The following APOBEC3F variants were observed in gnomAD, a reference collection of about 807,000 sequenced individuals.
The protein encoded by APOBEC3F is DNA dC->dU-editing enzyme APOBEC-3F.
Under a neutral mutation model 45.8 loss-of-function variants are expected in APOBEC3F, and 34 were observed. That is an observed-to-expected ratio of 0.74 (90% CI 0.57 to 0.99). The LOEUF is 0.99. Ranked by LOEUF, APOBEC3F falls within the 50% of genes least tolerant of loss-of-function variation. APOBEC3F has a pLI of 0.00. For missense variants in APOBEC3F, 459 were observed against 474.1 expected, an observed-to-expected ratio of 0.97 and a Z score of 0.30; for synonymous variants, 192 against 174.4, an observed-to-expected ratio of 1.10 and a Z score of -0.80.
chr22:39,041,284 T>G (rs776667408), intron 1 of APOBEC3F, among the ~76,000 whole-genome samples: 1 of 152,196 alleles, frequency 6.6e-6, no homozygotes, highest in South Asian at 2.1e-4. Flanking sequence ...CCCTCTGTGT[T>G]CTTTCCGCCA....
In APOBEC3F at chr22:39,042,937, A is replaced by G; in HGVS notation, c.18A>G (p.Arg6=). Reference sequence around the variant, plus strand: ...GCTGGTTTCTCTCTTGTGTCTTCAGAAACACAGTGGAGCGAATGTATCGAG... The same window carrying G: ...GCTGGTTTCTCTCTTGTGTCTTCAGGAACACAGTGGAGCGAATGTATCGAG... The part of the protein sequence containing the change: MKPHF[R]NTVERMYRDT... The change falls in exon 2 of 7, where the codon AGA becomes AGG. Residue 6 remains arginine, a splice_region_variant and synonymous_variant. Transcript: ENST00000308521. 1 of 1,613,716 alleles carries G rather than the reference A, an allele frequency of 6.2e-7. No homozygotes were observed. The highest frequency in any genetic ancestry group is 1.1e-5 in the South Asian group (1 of 91,056).
intron 1 of APOBEC3F, 135 bp downstream of exon 1, chr22:39,041,112 C>G (rs1379386467): frequency 4.0e-5 from 58 of 1,449,274 alleles, no homozygotes; most frequent in Admixed American, 4.0e-5. Flanking sequence ...CCCCTGCCCC[C>G]GCCACTCCCA....
At position 39,053,461 on chromosome 22, in the gene APOBEC3F, A is replaced by C. The variant is rs1177744379; in HGVS notation, c.*766A>C. ...CCATCTCTACAAAAAAATTACAAAAAAAAAAAAAACAGGTGTGGTGGCATG... is the reference window on the plus strand; with the variant it reads ...CCATCTCTACAAAAAAATTACAAAACAAAAAAAAACAGGTGTGGTGGCATG... On this transcript the variant is annotated 3_prime_UTR_variant, in exon 7 of 7. Coordinates refer to ENST00000308521, the MANE Select transcript of APOBEC3F (RefSeq NM_145298.6). The C allele has an allele frequency of 6.6e-6, 1 of 151,942 alleles. No homozygotes were observed. The highest frequency in any genetic ancestry group is 1.5e-5 in the Non-Finnish European group (1 of 67,976). 9.4% of individuals were successfully genotyped at this position (151,942 alleles called of 1,614,324 possible). A position where few individuals can be genotyped will look rare whatever the true frequency, so the allele number is the denominator to read the frequency against.
chr22:39,052,672 A>T lies in APOBEC3F; in HGVS notation c.1099A>T (p.Lys367Ter). 2 of 1,613,838 alleles carry T rather than the reference A, an allele frequency of 1.2e-6. No individual in the cohort carries two copies. Among genetic ancestry groups the T allele is most frequent in the Non-Finnish European group, 1.7e-6 (2 of 1,179,756 alleles). ...LKYNFLFLDS[K>*]LQEILE ...ATACAACTTTCTATTCCTGGACAGC[A>T]AGCTGCAGGAGATTCTCGAGTGAGG... The change falls in exon 7 of 7, where the codon AAG becomes TAG. Residue 367 changes from lysine (K) to a stop codon, truncating the protein, a stop_gained. Transcript: ENST00000308521. LOFTEE classifies it high-confidence loss of function.
intron 2 of APOBEC3F, chr22:39,044,457 C>T: frequency 8.2e-7 from 1 of 1,221,418 alleles, no homozygotes; most frequent in Non-Finnish European, 1.1e-6. Context: ...TGTCAATGCA[C>T]CAGCAACTTT....
chr22:39,045,168 G>T lies in APOBEC3F; in HGVS notation c.399G>T (p.Ala133=), dbSNP rs372394779. The T allele has an allele frequency of 3.1e-6, 5 of 1,614,040 alleles. No homozygotes were observed. The highest frequency in any genetic ancestry group is 2.7e-5 in the African/African-American group (2 of 74,924). The change falls in exon 3 of 7, where the codon GCG becomes GCT. Residue 133 remains alanine (A), a synonymous_variant. Transcript: ENST00000308521. The part of the protein sequence containing the change: ...YYYWERDYRR[A]LCRLSQAGAR... ...ACTGGGAAAGAGATTACCGAAGGGC[G>T]CTCTGCAGGCTGAGTCAGGCAGGGG...
intron 2 of APOBEC3F, chr22:39,044,191 G>T (rs374680667): frequency 6.2e-7 from 1 of 1,609,310 alleles, no homozygotes; most frequent in Admixed American, 1.7e-5. Context: ...CCAGCTGACC[G>T]CAGGCAGGGA....
rs745601693 is a variant in APOBEC3F at position 39,042,951 on chromosome 22, G to T, written c.32G>T (p.Arg11Leu). Residue 11 changes from arginine (R) to leucine (L), a missense_variant, in exon 2 of 7, where the codon CGA becomes CTA. Physicochemically the swap from Arg to Leu is moderately radical, Grantham distance 102 (BLOSUM62 -2). Transcript: ENST00000308521. The stretch of plus-strand genomic sequence containing the variant: ...TGTGTCTTCAGAAACACAGTGGAGC[G>T]AATGTATCGAGACACATTCTCCTAC... The part of the protein sequence containing the change: MKPHFRNTVE[R>L]MYRDTFSYNF... 4 of 1,613,982 alleles carry T rather than the reference G, an allele frequency of 2.5e-6. No individual in the cohort carries two copies. The highest frequency in any genetic ancestry group is 2.5e-6 in the Non-Finnish European group (3 of 1,179,932).
At chr22:39,047,170 C>T (rs191089294) in intron 4 of APOBEC3F, among the ~76,000 whole-genome samples, 2 of 152,172 alleles carry the variant, frequency 1.3e-5, no homozygotes, top group East Asian at 1.9e-4. Flanking sequence ...GCACCCCCAC[C>T]CGCTATTCCT....
At chr22:39,046,044 G>A (rs2035794311) in intron 4 of APOBEC3F, among the ~76,000 whole-genome samples, 1 of 152,174 alleles carries the variant, frequency 6.6e-6, no homozygotes, top group Non-Finnish European at 1.5e-5. Context: ...CAGATCTGGA[G>A]GCTGCAAGTC....
In APOBEC3F at chr22:39,040,970, C is replaced by T. The variant is rs1191240529; in HGVS notation, c.10C>T (p.His4Tyr). 6.3e-7 allele frequency: 1 copy of T among 1,584,274 alleles called. No individual in the cohort carries two copies. Among genetic ancestry groups the T allele is most frequent in the Admixed American group, 1.8e-5 (1 of 55,080 alleles). The change falls in exon 1 of 7, where the codon CAC (histidine) becomes TAC (tyrosine). Residue 4 changes from histidine to tyrosine, a missense_variant. Physicochemically the swap from His to Tyr is moderately conservative, Grantham distance 83 (BLOSUM62 2). Transcript: ENST00000308521. ...GACTAGCCGGCCAAGGATGAAGCCTCACTTCAGGTACCGCTGCCCGCTCTA... is the reference window on the plus strand; with the variant it reads ...GACTAGCCGGCCAAGGATGAAGCCTTACTTCAGGTACCGCTGCCCGCTCTA... MKPHFRNTVERMYR... is the reference protein window; with the variant it reads MKPYFRNTVERMYR...
intron 2 of APOBEC3F, chr22:39,044,265 T>C: frequency 6.4e-7 from 1 of 1,565,666 alleles, no homozygotes; most frequent in Non-Finnish European, 8.7e-7. Context: ...AATGGATGCC[T>C]GGGAGAATGG....
chr22:39,048,015 A>G (rs1451564446), intron 4 of APOBEC3F, among the ~76,000 whole-genome samples: 1 of 152,208 alleles, frequency 6.6e-6, no homozygotes, highest in African/African-American at 2.4e-5. Context: ...TCCACTGTGA[A>G]CAGAGGAGGA....
At position 39,044,414 on chromosome 22, in the gene APOBEC3F, A is replaced by G. The variant is rs1245553799; in HGVS notation, c.172-527A>G. 3.7e-6 allele frequency: 5 copies of G among 1,367,660 alleles called. No individual in the cohort carries two copies. In the African/African-American group the frequency reaches 4.5e-5, roughly 12 times the overall value. 84.7% of individuals were successfully genotyped at this position (1,367,660 alleles called of 1,614,324 possible). A position where few individuals can be genotyped will look rare whatever the true frequency, so the allele number is the denominator to read the frequency against. ...GGACATTTACAATAAACAGAAATGTATGGGCTCGAGTTCTGGCCTCTGGGA... is the reference window on the plus strand; with the variant it reads ...GGACATTTACAATAAACAGAAATGTGTGGGCTCGAGTTCTGGCCTCTGGGA... On this transcript the variant is annotated intron_variant, in intron 2 of 6. Coordinates refer to ENST00000308521, the MANE Select transcript of APOBEC3F (RefSeq NM_145298.6).
Position 39,043,179 on chromosome 22 carries a change from C to T in APOBEC3F, c.171+89C>T, listed in dbSNP as rs1038091624. 3.7e-5 allele frequency: 54 copies of T among 1,475,028 alleles called. No individual in the cohort carries two copies. The Admixed American group carries it at 5.6e-4, about 15-fold the overall frequency. The allele number at this position is 1,475,028 out of a possible 1,614,324, so 91.4% of individuals were successfully genotyped here. A position where few individuals can be genotyped will look rare whatever the true frequency, so the allele number is the denominator to read the frequency against. On this transcript the variant is annotated intron_variant, in intron 2 of 6. Coordinates refer to ENST00000308521, the MANE Select transcript of APOBEC3F (RefSeq NM_145298.6). ...CACTGATAAGTGAAGTGCCCGGCGG[C>T]GGGCTATCCAGTGTGTCCTTCTCTC...
Position 39,043,072 on chromosome 22 carries a change from A to G in APOBEC3F, c.153A>G (p.Ala51=). ...TKGPSRPRLD[A]KIFRGQVYSQ... ...GTCCCTCAAGGCCCCGTTTGGACGC[A>G]AAGATCTTTCGAGGCCAGGTACCAC... The change falls in exon 2 of 7, where the codon GCA becomes GCG. Residue 51 remains alanine (A), a synonymous_variant. Coordinates refer to ENST00000308521, the MANE Select transcript of APOBEC3F (RefSeq NM_145298.6). 6.2e-7 allele frequency: 1 copy of G among 1,614,150 alleles called. No homozygotes were observed. Among genetic ancestry groups the G allele is most frequent in the Middle Eastern group, 1.7e-4 (1 of 6,060 alleles).
rs1439650216 is a variant in APOBEC3F, at chr22:39,045,171, C to G, written c.402C>G (p.Leu134=). The change falls in exon 3 of 7, where the codon CTC becomes CTG. Residue 134 remains leucine, a synonymous_variant. Coordinates refer to ENST00000308521, the MANE Select transcript of APOBEC3F (RefSeq NM_145298.6). ...YYWERDYRRA[L]CRLSQAGARV... is the part of the protein sequence containing the mutation. ...GGGAAAGAGATTACCGAAGGGCGCTCTGCAGGCTGAGTCAGGCAGGGGCCC... is the reference window on the plus strand; with the variant it reads ...GGGAAAGAGATTACCGAAGGGCGCTGTGCAGGCTGAGTCAGGCAGGGGCCC... The G allele has an allele frequency of 6.2e-6, 10 of 1,614,158 alleles. No individual in the cohort carries two copies. The highest frequency in any genetic ancestry group is 7.6e-6 in the Non-Finnish European group (9 of 1,180,016).
chr22:39,044,050 A>G, intron 2 of APOBEC3F: 1 of 1,495,560 alleles, frequency 6.7e-7, no homozygotes, highest in Non-Finnish European at 8.9e-7. Flanking sequence ...AAACAAAAAA[A>G]GATAAATGAG....
chr22:39,045,131 G>T lies in APOBEC3F; in HGVS notation c.362G>T (p.Arg121Leu), dbSNP rs774288237. The T allele has an allele frequency of 1.2e-6, 2 of 1,614,064 alleles. No homozygotes were observed. Among genetic ancestry groups the T allele is most frequent in the East Asian group, 4.5e-5 (2 of 44,874 alleles). Reference sequence around the variant, plus strand: ...GTCACCCTGACCATCTCCGCCGCCCGCCTCTACTACTACTGGGAAAGAGAT... The same window carrying T: ...GTCACCCTGACCATCTCCGCCGCCCTCCTCTACTACTACTGGGAAAGAGAT... ...PNVTLTISAA[R>L]LYYYWERDYR... The change falls in exon 3 of 7, where the codon CGC becomes CTC. Residue 121 changes from arginine (R) to leucine (L), a missense_variant. Coordinates refer to ENST00000308521, the MANE Select transcript of APOBEC3F (RefSeq NM_145298.6).
Sources: allele counts gnomAD v4.1 joint callset (sites outside exome capture counted in the v4.1 genomes callset), GRCh38; gene constraint gnomAD v4.1.1; transcripts MANE v1.5; gene names NCBI Gene and HGNC (gene_info 2026-07-23, HGNC 2026-07-21).